Variants in HSPA12A observed in about 807,000 individuals in gnomAD.
HSPA12A encodes heat shock 70 kDa protein 12A.
Under a neutral mutation model 69.2 loss-of-function variants are expected in HSPA12A, and 28 were observed. That is an observed-to-expected ratio of 0.40 (90% CI 0.30 to 0.55). HSPA12A has a LOEUF of 0.55. HSPA12A is among the 20% of genes least tolerant of loss of function. The pLI is 0.38. For missense variants in HSPA12A, 686 were observed against 900.7 expected, an observed-to-expected ratio of 0.76 and a Z score of 3.05; for synonymous variants, 345 against 370.5, an observed-to-expected ratio of 0.93 and a Z score of 0.79.
chr10:116,817,054 T>A (rs1351520510), intron 2 of HSPA12A, among the ~76,000 whole-genome samples: 1 of 152,224 alleles, frequency 6.6e-6, no homozygotes, highest in Non-Finnish European at 1.5e-5. Flanking sequence ...TTAAACTGTA[T>A]TTCTTAGGCA....
intron 1 of HSPA12A, among the ~76,000 whole-genome samples, chr10:116,718,135 GT>G (rs1400288793): frequency 6.6e-6 from 1 of 152,192 alleles, no homozygotes; most frequent in Non-Finnish European, 1.5e-5. Context: ...GAAGCCCTGG[GT>G]TTAGACTTCC....
chr10:116,792,259 C>CAAAA (rs55642476), intron 2 of HSPA12A, among the ~76,000 whole-genome samples: 1,059 of 60,102 alleles, frequency 0.018, 43 homozygotes, highest in South Asian at 0.023. Flanking sequence ...AACTCGGTCT[C>CAAAA]AAAAAAAAAA....
chr10:116,672,240 T>C lies in HSPA12A; in HGVS notation c.*2541A>G, dbSNP rs1400264966. The C allele has an allele frequency of 6.6e-6, 1 of 152,254 alleles. No homozygotes were observed. The highest frequency in any genetic ancestry group is 1.5e-5 in the Non-Finnish European group (1 of 68,070). The allele number at this position is 152,254 out of a possible 1,614,324, so 9.4% of individuals were successfully genotyped here. ...ACATCACACACAGTGGACCACGCTT[T>C]GCCCTCAGAGTGACTGCTCCGACCC... On this transcript the variant is annotated 3_prime_UTR_variant, in exon 12 of 12. Coordinates refer to ENST00000369209, the MANE Select transcript of HSPA12A (RefSeq NM_025015.3).
At chr10:116,822,212 G>A (rs1038215390) in intron 2 of HSPA12A, among the ~76,000 whole-genome samples, 16 of 152,164 alleles carry the variant, frequency 1.1e-4, no homozygotes, top group African/African-American at 3.9e-4. Context: ...ATTACCAGTG[G>A]AGGAAGCACA....
Position 116,784,077 on chromosome 10 carries a change from C to T in HSPA12A, c.91+50858G>A, listed in dbSNP as rs148511651. On this transcript the variant is annotated intron_variant, in intron 2 of 12. Transcript: ENST00000635765. ...TATCCAAAAGATCTCACTGGAAGGA[C>T]ACATCAGGACCTGGTTGCAGTGTTG... 2.6e-4 allele frequency among the ~76,000 whole-genome samples: 40 copies of T among 152,346 alleles called. No individual in the cohort carries two copies. The East Asian group carries it at 5.4e-3, about 21-fold the overall frequency.
At chr10:116,761,981 C>G (rs879957073) in intron 2 of HSPA12A, among the ~76,000 whole-genome samples, 1 of 152,308 alleles carries the variant, frequency 6.6e-6, no homozygotes. Flanking sequence ...GGATGTTGTG[C>G]TAGTCTTTGA....
exon 2 of HSPA12A, chr10:116,834,981 T>A: frequency 8.1e-7 from 1 of 1,231,762 alleles, no homozygotes. Context: ...TTTTGTTCTT[T>A]GCTTTACACC....
intron 2 of HSPA12A, chr10:116,751,164 A>G (rs1279573275): frequency 1.3e-5 from 3 of 224,682 alleles, no homozygotes; most frequent in Non-Finnish European, 2.9e-5. Flanking sequence ...GTGGGTGACA[A>G]TGGCAAAACT....
At chr10:116,697,443 G>A (rs2132954509) in intron 5 of HSPA12A, among the ~76,000 whole-genome samples, 1 of 151,392 alleles carries the variant, frequency 6.6e-6, no homozygotes, top group East Asian at 1.9e-4. Flanking sequence ...ATGGGGTCTG[G>A]GGGGATAGAG....
At chr10:116,839,514 GCT>G (rs1845769372) in intron 1 of HSPA12A, among the ~76,000 whole-genome samples, 1 of 143,966 alleles carries the variant, frequency 6.9e-6, no homozygotes, top group Non-Finnish European at 1.5e-5. Context: ...CAAAGTTACA[GCT>G]TATTTAAAAA....
At chr10:116,797,578 T>A (rs1406959043) in intron 2 of HSPA12A, among the ~76,000 whole-genome samples, 1 of 152,218 alleles carries the variant, frequency 6.6e-6, no homozygotes, top group Non-Finnish European at 1.5e-5. Context: ...TGCCTCCAAA[T>A]GCAGTATTGA....
chr10:116,720,217 G>A (rs910989951), intron 1 of HSPA12A, among the ~76,000 whole-genome samples: 2 of 152,156 alleles, frequency 1.3e-5, no homozygotes, highest in African/African-American at 2.4e-5. Context: ...GCCCAGCCTC[G>A]TCTCTGGGAA....
chr10:116,765,544 T>C lies in HSPA12A; in HGVS notation c.92-58259A>G, dbSNP rs141357767. On this transcript the variant is annotated intron_variant, in intron 2 of 12. Coordinates refer to the HSPA12A transcript ENST00000635765. The stretch of plus-strand genomic sequence containing the variant: ...ATAGACCTAGAAGTCCATAATCATA[T>C]TAAAAATAAAAGATATTTACAGAAA... 4.6e-5 allele frequency among the ~76,000 whole-genome samples: 7 copies of C among 152,254 alleles called. No homozygotes were observed. The East Asian group carries it at 1.3e-3, about 29-fold the overall frequency.
intron 3 of HSPA12A, among the ~76,000 whole-genome samples, chr10:116,703,033 T>C (rs1233287488): frequency 1.3e-5 from 2 of 152,252 alleles, no homozygotes; most frequent in Non-Finnish European, 2.9e-5. Flanking sequence ...ACATTGATTC[T>C]AGCCTTTAAT....
At chr10:116,767,045 CCT>C (rs1554889836) in intron 2 of HSPA12A, among the ~76,000 whole-genome samples, 2 of 152,078 alleles carry the variant, frequency 1.3e-5, no homozygotes, top group African/African-American at 4.8e-5. Context: ...AGTTCATGAC[CCT>C]GAGATGGGCT....
intron 7 of HSPA12A, 95 bp downstream of exon 7, chr10:116,683,696 T>C (rs1554879010): frequency 2.4e-6 from 3 of 1,233,532 alleles, no homozygotes; most frequent in East Asian, 2.5e-5. Flanking sequence ...TTCTTCATTA[T>C]GGCACTAAGT....
chr10:116,709,214 A>C (rs1850350059), intron 1 of HSPA12A, among the ~76,000 whole-genome samples: 1 of 152,244 alleles, frequency 6.6e-6, no homozygotes, highest in South Asian at 2.1e-4. Context: ...TGGGAGGCCA[A>C]GGTGGGCAGA....
intron 2 of HSPA12A, among the ~76,000 whole-genome samples, chr10:116,749,010 G>C (rs1851713094): frequency 6.6e-6 from 1 of 152,052 alleles, no homozygotes. Flanking sequence ...ACCCCCTGCT[G>C]TCTGCTTTCC....
chr10:116,747,162 G>A (rs565916267), upstream of HSPA12A, among the ~76,000 whole-genome samples: 30 of 152,138 alleles, frequency 2.0e-4, no homozygotes, highest in South Asian at 6.2e-4. Context: ...GGTGTGAATC[G>A]GTCTCTCCAT....
Sources: gnomAD v4.1 joint callset for allele counts (sites outside exome capture counted in the v4.1 genomes callset) on GRCh38, gnomAD v4.1.1 for gene constraint, MANE v1.5 for transcripts, NCBI Gene and HGNC (gene_info 2026-07-23, HGNC 2026-07-21) for gene names.